The following PIP5K1C variants were observed in gnomAD, a reference collection of about 807,000 sequenced individuals.
PIP5K1C encodes the protein phosphatidylinositol 4-phosphate 5-kinase type-1 gamma.
A neutral mutation model predicts 80.1 loss-of-function variants in PIP5K1C; 45 were observed. The observed-to-expected ratio is 0.56, with a 90% CI of 0.44 to 0.72. PIP5K1C has a LOEUF of 0.72. Among genes scored for constraint, PIP5K1C ranks in the 30% least tolerant of loss-of-function variants. The pLI is 0.00. For missense variants in PIP5K1C, 753 were observed against 954.6 expected (o/e 0.79, Z 2.78); for synonymous variants, 498 against 420.1 (o/e 1.19, Z -2.27).
intron 3 of PIP5K1C, among the ~76,000 whole-genome samples, chr19:3,662,848 G>A (rs995751056): frequency 6.6e-6 from 1 of 150,544 alleles, no homozygotes; most frequent in African/African-American, 2.5e-5. Flanking sequence ...TTGCACGTGT[G>A]AGCCAGCACG....
rs1017950622 is a variant in PIP5K1C, at chr19:3,692,295, C to T, written c.94+8002G>A. Among the ~76,000 whole-genome samples, 8 of 152,152 alleles carry T rather than the reference C, an allele frequency of 5.3e-5. No homozygotes were observed. Among genetic ancestry groups the T allele is most frequent in the Non-Finnish European group, 7.4e-5 (5 of 68,012 alleles). Reference sequence around the variant, plus strand: ...AGCACAGCCACCACCAGGGTCCCGACGGCCCCACCCAGTCCCACTGCCGGC... The same window carrying T: ...AGCACAGCCACCACCAGGGTCCCGATGGCCCCACCCAGTCCCACTGCCGGC... On this transcript the variant is annotated intron_variant, in intron 1 of 17. Transcript: ENST00000335312. This position sits in a 1 kb window ranked among gnomAD's most constrained non-coding sequence, Gnocchi z 5.2.
At chr19:3,639,304 G>A (rs539692062) in intron 15 of PIP5K1C, among the ~76,000 whole-genome samples, 5 of 152,334 alleles carry the variant, frequency 3.3e-5, no homozygotes, top group East Asian at 1.9e-4. Flanking sequence ...CTGTGGGCAC[G>A]TGCTGGCCTC....
intron 1 of PIP5K1C, among the ~76,000 whole-genome samples, chr19:3,680,062 C>T (rs988531842): frequency 2.0e-5 from 3 of 152,214 alleles, no homozygotes; most frequent in Non-Finnish European, 4.4e-5. Context: ...CCTGAAGCCC[C>T]ACAATCAAGC....
chr19:3,642,258 A>G (rs1158329540), intron 14 of PIP5K1C, among the ~76,000 whole-genome samples: 3 of 152,206 alleles, frequency 2.0e-5, no homozygotes, highest in Non-Finnish European at 2.9e-5. Context: ...CAGCGATTAA[A>G]ACACGGTTAA....
At chr19:3,633,825 C>T (rs1476050392) in intron 16 of PIP5K1C, among the ~76,000 whole-genome samples, 1 of 152,020 alleles carries the variant, frequency 6.6e-6, no homozygotes, top group African/African-American at 2.4e-5. Flanking sequence ...GTGGGGGTCG[C>T]GACCTGGAGC....
intron 2 of PIP5K1C, among the ~76,000 whole-genome samples, chr19:3,665,139 AGC>A (rs1157885203): frequency 3.3e-5 from 5 of 152,172 alleles, no homozygotes; most frequent in Admixed American, 6.5e-5. Flanking sequence ...GACACCCAGA[AGC>A]GCTCACTCCA....
chr19:3,637,784 A>C lies in PIP5K1C; in HGVS notation c.1920+1100T>G. The C allele has an allele frequency of 5.2e-6, 8 of 1,533,774 alleles. No individual in the cohort carries two copies. Among genetic ancestry groups the C allele is most frequent in the Non-Finnish European group, 7.0e-6 (8 of 1,146,464 alleles). On this transcript the variant is annotated intron_variant, in intron 16 of 17. Transcript: ENST00000335312. The surrounding 1 kb of genome is among the most constrained non-coding windows in gnomAD (Gnocchi z 7.0). Reference sequence around the variant, plus strand: ...GGGTGCCGGGGCAGGGGCAGGACCGAGGACCCTTCTCCCTTCTCTGCTGCC... The same window carrying C: ...GGGTGCCGGGGCAGGGGCAGGACCGCGGACCCTTCTCCCTTCTCTGCTGCC...
chr19:3,673,326 A>G (rs529235029), intron 1 of PIP5K1C, among the ~76,000 whole-genome samples: 2 of 152,108 alleles, frequency 1.3e-5, no homozygotes, highest in Admixed American at 1.3e-4. Flanking sequence ...CCTCCAGCCA[A>G]CCTGCACCAA....
rs138568934 is a variant in PIP5K1C at position 3,662,058 on chromosome 19, C to A, written c.220-57G>T. ...GCTGCTCCCCACGCTGCCCTGCACC[C>A]CCTGTGTGCACCGGGGGGTGGAGAT... On this transcript the variant is annotated intron_variant, in intron 3 of 17. Coordinates refer to ENST00000335312, the MANE Select transcript of PIP5K1C (RefSeq NM_012398.3). 1.6e-5 allele frequency: 25 copies of A among 1,535,104 alleles called. No individual in the cohort carries two copies. In the Admixed American group the frequency reaches 2.0e-4, roughly 12 times the overall value.
At chr19:3,682,838 G>A (rs1003453410) in intron 1 of PIP5K1C, among the ~76,000 whole-genome samples, 6 of 152,186 alleles carry the variant, frequency 3.9e-5, no homozygotes, top group East Asian at 1.9e-4. Context: ...ACCCAGCTAC[G>A]CCGCTCCCAG....
chr19:3,678,016 T>G (rs1469384988), intron 1 of PIP5K1C, among the ~76,000 whole-genome samples: 2 of 61,686 alleles, frequency 3.2e-5, no homozygotes, highest in African/African-American at 8.1e-5. Flanking sequence ...GATGGAGGGA[T>G]GGAGAGACGG....
intron 1 of PIP5K1C, among the ~76,000 whole-genome samples, chr19:3,693,830 G>T (rs2036019735): frequency 6.6e-6 from 1 of 152,126 alleles, no homozygotes; most frequent in South Asian, 2.1e-4. Flanking sequence ...TTGGGAGGTG[G>T]AGGCAGGAGG....
Position 3,656,364 on chromosome 19 carries a change from T to A in PIP5K1C, c.621+41A>T, listed in dbSNP as rs374926523. On this transcript the variant is annotated intron_variant, in intron 6 of 17. Transcript: ENST00000335312. ...GCTCCCGCCAGCCGGGAGAAGGGGG[T>A]TGACCGAGGAGCCATCTGCCCCGCA... The A allele has an allele frequency of 1.1e-5, 18 of 1,610,338 alleles. No individual in the cohort carries two copies. The South Asian group carries it at 2.0e-4, about 18-fold the overall frequency.
In PIP5K1C at chr19:3,641,746, C is replaced by G. The variant is rs73920193; in HGVS notation, c.1746G>C (p.Ala582=). ...TGGGGACCACAATCTCCACGCTGCA[C>G]GCAGGCTCCACCTGCACTGTAATCT... ...LQQITVQVEP[A]CSVEIVVPKE... is the part of the protein sequence containing the mutation. The change falls in exon 15 of 18, where the codon GCG becomes GCC. Residue 582 remains alanine (A), a synonymous_variant. Transcript: ENST00000335312. 6.2e-7 allele frequency: 1 copy of G among 1,611,412 alleles called. No individual in the cohort carries two copies. The highest frequency in any genetic ancestry group is 1.1e-5 in the South Asian group (1 of 91,080).
Position 3,667,472 on chromosome 19 carries a change from C to G in PIP5K1C, c.95-119G>C, listed in dbSNP as rs1173670660. On this transcript the variant is annotated intron_variant, in intron 1 of 17. Transcript: ENST00000335312. ...CTGGCGTGTGTAACTCCGCGTGGGG[C>G]TGGTCTCAAGGCTACACACAAGTGA... 27 of 1,097,494 alleles carry G rather than the reference C, an allele frequency of 2.5e-5. No individual in the cohort carries two copies. The South Asian group carries it at 3.3e-4, about 13-fold the overall frequency. 68.0% of individuals were successfully genotyped at this position (1,097,494 alleles called of 1,614,324 possible).
chr19:3,656,432 C>G lies in PIP5K1C; in HGVS notation c.594G>C (p.Leu198=). Residue 198 remains leucine (L), a synonymous_variant, in exon 6 of 18, where the codon CTG becomes CTC. Coordinates refer to ENST00000335312, the MANE Select transcript of PIP5K1C (RefSeq NM_012398.3). ...TGTAGTAGCCAGGGAGCAGCTTCTGCAGGAACTCGGCCTCCTTGTGCATGA... is the reference window on the plus strand; with the variant it reads ...TGTAGTAGCCAGGGAGCAGCTTCTGGAGGAACTCGGCCTCCTTGTGCATGA... The part of the protein sequence containing the change: ...KTVMHKEAEF[L]QKLLPGYYMN... The G allele has an allele frequency of 6.2e-7, 1 of 1,613,556 alleles. No homozygotes were observed. The highest frequency in any genetic ancestry group is 8.5e-7 in the Non-Finnish European group (1 of 1,180,032).
intron 1 of PIP5K1C, among the ~76,000 whole-genome samples, chr19:3,674,752 T>C (rs2035308277): frequency 1.3e-5 from 2 of 152,222 alleles, no homozygotes; most frequent in Non-Finnish European, 2.9e-5. Flanking sequence ...CTGCCCGCCT[T>C]GGCCTCCCAG....
rs748895008 is a variant in PIP5K1C, at chr19:3,639,024, CAGG to C, written c.1788-11_1788-9del. Reference sequence around the variant, plus strand: ...GCCGGGGAAGCCTCCACCCTGGGGACAGGAGTAGACAGAGGGTCTTGACCCTCA... The same window carrying C: ...GCCGGGGAAGCCTCCACCCTGGGGACAGTAGACAGAGGGTCTTGACCCTCA... On this transcript the variant is annotated splice_polypyrimidine_tract_variant and intron_variant, in intron 15 of 17. Transcript: ENST00000335312. 6 of 1,609,304 alleles carry C rather than the reference CAGG, an allele frequency of 3.7e-6. No individual in the cohort carries two copies. Among genetic ancestry groups the C allele is most frequent in the African/African-American group, 1.3e-5 (1 of 74,866 alleles).
intron 1 of PIP5K1C, among the ~76,000 whole-genome samples, chr19:3,667,608 G>A (rs1568340446): frequency 6.6e-6 from 1 of 152,258 alleles, no homozygotes; most frequent in Non-Finnish European, 1.5e-5. Flanking sequence ...GAGAGGCTTT[G>A]CAGCCTCAGG....
Sources: allele counts gnomAD v4.1 joint callset (sites outside exome capture counted in the v4.1 genomes callset), GRCh38; gene constraint gnomAD v4.1.1; non-coding constraint Gnocchi (gnomAD v3.1); transcripts MANE v1.5; gene names NCBI Gene and HGNC (gene_info 2026-07-23, HGNC 2026-07-21).